Variants in PUS7L observed in about 807,000 individuals in gnomAD.
PUS7L encodes pseudouridine synthase 7 like, also known as pseudouridylate synthase PUS7L.
A neutral mutation model predicts 51.1 loss-of-function variants in PUS7L; 49 were observed. The ratio of observed to expected loss-of-function variants is 0.96; its 90% confidence interval spans 0.76 to 1.22. PUS7L has a LOEUF of 1.22. PUS7L is among the 50% of genes most tolerant of loss of function. The pLI, the probability that PUS7L is intolerant of heterozygous loss-of-function variation, is 0.00. For synonymous variants in PUS7L, 277 were observed against 276.2 expected (o/e 1.00, Z -0.03); for missense variants, 828 against 820.6 (o/e 1.01, Z -0.11).
intron 4 of PUS7L, among the ~76,000 whole-genome samples, chr12:43,745,523 G>A (rs1473601488): frequency 6.6e-6 from 1 of 152,162 alleles, no homozygotes; most frequent in Non-Finnish European, 1.5e-5. Context: ...AGAAGGATAT[G>A]TTTGTTTCCC....
At chr12:43,744,003 CATCAT>C (rs887286329) in intron 4 of PUS7L, among the ~76,000 whole-genome samples, 1 of 152,112 alleles carries the variant, frequency 6.6e-6, no homozygotes, top group Admixed American at 6.5e-5. Flanking sequence ...TCCTTTCTCA[CATCAT>C]AAGAACTAAT....
At chr12:43,751,692 T>C (rs1938455251) in intron 2 of PUS7L, among the ~76,000 whole-genome samples, 1 of 152,206 alleles carries the variant, frequency 6.6e-6, no homozygotes, top group Non-Finnish European at 1.5e-5. Flanking sequence ...GCATGATTTA[T>C]AATCCTTTGG....
At chr12:43,737,928 ATG>A in intron 6 of PUS7L, 1 of 181,034 alleles carries the variant, frequency 5.5e-6, no homozygotes, top group Non-Finnish European at 1.2e-5. Flanking sequence ...AATGAGAATA[ATG>A]TGTAAAGTTT....
At chr12:43,735,749 C>A (rs376650388) in intron 7 of PUS7L, among the ~76,000 whole-genome samples, 1 of 152,040 alleles carries the variant, frequency 6.6e-6, no homozygotes, top group East Asian at 1.9e-4. Context: ...CATTAGGATG[C>A]TAGCAGGGAT....
chr12:43,741,258 TTC>T (rs200006710), intron 5 of PUS7L, among the ~76,000 whole-genome samples: 1,938 of 152,320 alleles, frequency 0.013, 41 homozygotes, highest in African/African-American at 0.044. Flanking sequence ...GAAAAAGTCT[TTC>T]TTATGCTGGA....
chr12:43,734,339 G>A (rs1292605516), intron 7 of PUS7L, among the ~76,000 whole-genome samples: 1 of 152,130 alleles, frequency 6.6e-6, no homozygotes, highest in East Asian at 1.9e-4. Flanking sequence ...ACTGGGAATG[G>A]ATCTAACAGA....
intron 1 of PUS7L, among the ~76,000 whole-genome samples, chr12:43,757,239 C>CG: frequency 6.6e-6 from 1 of 152,162 alleles, no homozygotes; most frequent in South Asian, 2.1e-4. Flanking sequence ...GGCATGATCT[C>CG]GGCTCACTGC....
rs1391451825 is a variant in PUS7L, at chr12:43,758,322, C to CTA, written c.-17+407_-17+408insTA. On this transcript the variant is annotated intron_variant, in intron 1 of 8. Transcript: ENST00000344862. Reference sequence around the variant, plus strand: ...CAAAGGAGCCCACGTGGCGTTAAGCCTGAAGGTGCAGTATTCCCATTCAAC... The same window carrying CTA: ...CAAAGGAGCCCACGTGGCGTTAAGCCTATGAAGGTGCAGTATTCCCATTCAAC... 11 of 985,522 alleles carry CTA rather than the reference C, an allele frequency of 1.1e-5. No homozygotes were observed. In the East Asian group the frequency reaches 1.2e-3, roughly 112 times the overall value. 61.0% of individuals were successfully genotyped at this position (985,522 alleles called of 1,614,324 possible).
At chr12:43,741,958 T>C (rs1230429526) in intron 5 of PUS7L, among the ~76,000 whole-genome samples, 1 of 152,166 alleles carries the variant, frequency 6.6e-6, no homozygotes, top group African/African-American at 2.4e-5. Flanking sequence ...TAATTACATA[T>C]AAAAAATATA....
chr12:43,758,263 C>G, intron 1 of PUS7L: 1 of 959,930 alleles, frequency 1.0e-6, no homozygotes, highest in Non-Finnish European at 1.2e-6. Context: ...ATTCCAGCAT[C>G]CTGGTAGAAG....
Position 43,755,135 on chromosome 12 carries a change from A to T in PUS7L, c.111T>A (p.Ile37=), listed in dbSNP as rs142448036. The part of the protein sequence containing the change: ...IKSSPSDFIV[I]EIDEQGQLVN... ...CTAACTGTCCCTGTTCATCAATTTC[A>T]ATAACAATAAAGTCACTTGGTGAGC... The change falls in exon 2 of 9, where the codon ATT becomes ATA. Residue 37 remains isoleucine (I), a synonymous_variant. Coordinates refer to ENST00000344862, the MANE Select transcript of PUS7L (RefSeq NM_031292.5). The T allele has an allele frequency of 5.9e-4, 952 of 1,613,574 alleles. 2 individuals are homozygous for T. The highest frequency in any genetic ancestry group is 5.9e-4 in the Non-Finnish European group (698 of 1,179,664).
At chr12:43,737,072 G>T (rs1424198912) in intron 6 of PUS7L, among the ~76,000 whole-genome samples, 2 of 152,162 alleles carry the variant, frequency 1.3e-5, no homozygotes, top group East Asian at 1.9e-4. Context: ...CATAAACACA[G>T]AATTTTTTTA....
Position 43,755,851 on chromosome 12 carries a change from G to A in PUS7L, c.-16-590C>T, listed in dbSNP as rs562175471. Among the ~76,000 whole-genome samples, 4 of 152,332 alleles carry A rather than the reference G, an allele frequency of 2.6e-5. No individual in the cohort carries two copies. The South Asian group carries it at 8.3e-4, about 32-fold the overall frequency. ...AATGCCCCCATTAGGACAAATAGAA[G>A]CTTTCAAGGTTGAGCCAGAGGAAAG... On this transcript the variant is annotated intron_variant, in intron 1 of 8. Coordinates refer to ENST00000344862, the MANE Select transcript of PUS7L (RefSeq NM_031292.5).
intron 7 of PUS7L, among the ~76,000 whole-genome samples, chr12:43,734,049 A>G (rs1944624611): frequency 6.6e-6 from 1 of 152,136 alleles, no homozygotes; most frequent in African/African-American, 2.4e-5. Context: ...CTCATTTTCC[A>G]GGGGACCTCT....
At chr12:43,737,828 T>C (rs1056691938) in intron 6 of PUS7L, among the ~76,000 whole-genome samples, 1 of 152,126 alleles carries the variant, frequency 6.6e-6, no homozygotes, top group African/African-American at 2.4e-5. Flanking sequence ...CATAACCACT[T>C]TTCCTTAGTG....
intron 1 of PUS7L, among the ~76,000 whole-genome samples, chr12:43,756,136 T>C (rs1006837991): frequency 6.6e-6 from 1 of 152,168 alleles, no homozygotes; most frequent in Admixed American, 6.5e-5. Flanking sequence ...CTGAACCAAT[T>C]TAGCAAATCA....
chr12:43,751,428 A>G (rs538972433), intron 2 of PUS7L, among the ~76,000 whole-genome samples: 1 of 141,562 alleles, frequency 7.1e-6, no homozygotes, highest in South Asian at 2.2e-4. Context: ...ATTCCCACCT[A>G]TGAGTGAGAA....
intron 2 of PUS7L, among the ~76,000 whole-genome samples, chr12:43,752,461 G>A (rs560320741): frequency 3.9e-5 from 6 of 152,204 alleles, no homozygotes; most frequent in South Asian, 4.2e-4. Context: ...TAAATATCAC[G>A]TGTGCTTTAC....
chr12:43,730,661 C>T lies in PUS7L; in HGVS notation c.1821G>A (p.Lys607=), dbSNP rs369204023. The change falls in exon 9 of 9, where the codon AAG becomes AAA. Residue 607 remains lysine (K), a synonymous_variant. Coordinates refer to ENST00000344862, the MANE Select transcript of PUS7L (RefSeq NM_031292.5). ...PVLGYNIQYP[K]NKVGQWYHDI... is the part of the protein sequence containing the mutation. Reference sequence around the variant, plus strand: ...CATGGTACCACTGCCCTACTTTGTTCTTCGGGTACTGAATATTGTATCCAA... The same window carrying T: ...CATGGTACCACTGCCCTACTTTGTTTTTCGGGTACTGAATATTGTATCCAA... 14 of 1,612,912 alleles carry T rather than the reference C, an allele frequency of 8.7e-6. No individual in the cohort carries two copies. The African/African-American group carries it at 1.5e-4, about 17-fold the overall frequency.
Sources: allele counts gnomAD v4.1 joint callset (sites outside exome capture counted in the v4.1 genomes callset), GRCh38; gene constraint gnomAD v4.1.1; transcripts MANE v1.5; gene names NCBI Gene and HGNC (gene_info 2026-07-23, HGNC 2026-07-21).